Variants in ADK observed in about 807,000 individuals in gnomAD.
The protein encoded by ADK is adenosine kinase, also known as N6,N6-dimethyladenosine kinase.
ADK carries 24 observed loss-of-function variants against 44.7 expected under a neutral mutation model. The ratio of observed to expected loss-of-function variants is 0.54; its 90% confidence interval spans 0.39 to 0.76. The LOEUF is 0.76. Among genes scored for constraint, ADK ranks in the 30% least tolerant of loss-of-function variants. The probability of loss-of-function intolerance (pLI) is 0.00; values close to 1 mark genes in which losing one functional copy is unlikely to be tolerated. For synonymous variants in ADK, 128 were observed against 142.6 expected (o/e 0.90, Z 0.73); for missense variants, 321 against 425.1 (o/e 0.76, Z 2.15).
Position 74,673,206 on chromosome 10 carries a change from C to T in ADK, c.964+2937C>T, listed in dbSNP as rs1855247801. On this transcript the variant is annotated intron_variant, in intron 10 of 10. Transcript: ENST00000539909. ...GAAGAGAATCCAAGAACTGTAGTCC[C>T]TGGTGAGTTTCAACCAAGAGCTTTT... is the stretch of plus-strand genomic sequence containing the variant. 2.0e-5 allele frequency among the ~76,000 whole-genome samples: 3 copies of T among 152,332 alleles called. No individual in the cohort carries two copies. The South Asian group carries it at 6.2e-4, about 32-fold the overall frequency.
At chr10:74,517,213 C>T (rs1320664130) in intron 6 of ADK, among the ~76,000 whole-genome samples, 2 of 152,168 alleles carry the variant, frequency 1.3e-5, no homozygotes, top group Non-Finnish European at 1.5e-5. Context: ...GGATTTCTCA[C>T]ACTTTATGTT....
intron 1 of ADK, among the ~76,000 whole-genome samples, chr10:74,194,471 G>GAA (rs1843053233): frequency 6.6e-6 from 1 of 152,056 alleles, no homozygotes; most frequent in African/African-American, 2.4e-5. Flanking sequence ...GATGAAATAT[G>GAA]GTAAGTTTGA....
intron 4 of ADK, among the ~76,000 whole-genome samples, chr10:74,347,073 C>CTCCA (rs2030274896): frequency 2.3e-5 from 3 of 130,744 alleles, no homozygotes; most frequent in Admixed American, 8.2e-5. Context: ...CACCACTGCA[C>CTCCA]TCCAGCCTGG....
intron 6 of ADK, among the ~76,000 whole-genome samples, chr10:74,415,999 T>C (rs1057361322): frequency 2.7e-5 from 4 of 148,714 alleles, no homozygotes; most frequent in Non-Finnish European, 4.5e-5. Context: ...AATATATATA[T>C]ACATACATTT....
chr10:74,186,054 G>C (rs577865996), intron 1 of ADK, among the ~76,000 whole-genome samples: 11 of 151,806 alleles, frequency 7.2e-5, no homozygotes, highest in African/African-American at 2.7e-4. Flanking sequence ...TCACCATGTC[G>C]GCCAGGCTGC....
chr10:74,381,140 T>A (rs1017378717), intron 4 of ADK, among the ~76,000 whole-genome samples: 24 of 152,364 alleles, frequency 1.6e-4, no homozygotes, highest in African/African-American at 5.8e-4. Flanking sequence ...AAAAATCTGT[T>A]AATATATGTT....
intron 3 of ADK, among the ~76,000 whole-genome samples, chr10:74,302,059 TAAAG>T (rs1840053063): frequency 6.6e-6 from 1 of 150,588 alleles, no homozygotes; most frequent in African/African-American, 2.5e-5. Flanking sequence ...TACCTTTTTT[TAAAG>T]CTTATTTTTG....
chr10:74,445,979 T>C (rs555753138), intron 6 of ADK, among the ~76,000 whole-genome samples: 3 of 152,214 alleles, frequency 2.0e-5, no homozygotes, highest in African/African-American at 7.2e-5. Flanking sequence ...TAATTCAGAA[T>C]TAATTGAAGC....
At chr10:74,417,019 C>G (rs188448605) in intron 6 of ADK, among the ~76,000 whole-genome samples, 1 of 152,038 alleles carries the variant, frequency 6.6e-6, no homozygotes, top group East Asian at 1.9e-4. Flanking sequence ...AAATATTTTA[C>G]TTACTAAAGT....
In ADK at chr10:74,622,697, C is replaced by T. The variant is rs141573727; in HGVS notation, c.877+22204C>T. On this transcript the variant is annotated intron_variant, in intron 9 of 10. Transcript: ENST00000539909. ...TTTCCCAAGGTCTCAGAATTAGAAA[C>T]AAAAGCAGCTAGATTAGAACCCAGC... 3.6e-4 allele frequency among the ~76,000 whole-genome samples: 55 copies of T among 152,212 alleles called. 2 individuals carry two copies. In the East Asian group the frequency reaches 0.011, roughly 29 times the overall value.
intron 10 of ADK, among the ~76,000 whole-genome samples, chr10:74,673,123 C>T (rs2134205702): frequency 6.6e-6 from 1 of 152,252 alleles, no homozygotes; most frequent in East Asian, 1.9e-4. Flanking sequence ...TGTAATCTGA[C>T]AGGGTTCTGG....
chr10:74,705,549 C>T (rs940449872), intron 10 of ADK, among the ~76,000 whole-genome samples: 2 of 152,190 alleles, frequency 1.3e-5, no homozygotes, highest in African/African-American at 4.8e-5. Context: ...CTTCTCATCC[C>T]CTTTTGGATT....
chr10:74,195,506 A>C (rs149780628), intron 1 of ADK, among the ~76,000 whole-genome samples: 2,698 of 152,154 alleles, frequency 0.018, 82 homozygotes, highest in African/African-American at 0.062. Flanking sequence ...TTTTTAAGAC[A>C]GGGTCTTATT....
chr10:74,680,036 C>T (rs903204885), intron 10 of ADK, among the ~76,000 whole-genome samples: 6 of 151,402 alleles, frequency 4.0e-5, no homozygotes, highest in African/African-American at 9.7e-5. Context: ...GAGTACAGGC[C>T]GGGCACGGTG....
chr10:74,171,800 CTCTG>C (rs2132056101), intron 1 of ADK, among the ~76,000 whole-genome samples: 1 of 142,134 alleles, frequency 7.0e-6, no homozygotes, highest in East Asian at 2.0e-4. Context: ...TTCTGTCTCT[CTCTG>C]TCTCTCTGTG....
intron 2 of ADK, among the ~76,000 whole-genome samples, chr10:74,222,443 G>A (rs1844348349): frequency 6.6e-6 from 1 of 151,736 alleles, no homozygotes; most frequent in Admixed American, 6.6e-5. Flanking sequence ...CATTGTGGAA[G>A]TCAGTGTGGC....
chr10:74,286,118 T>G (rs1261140403), intron 3 of ADK, among the ~76,000 whole-genome samples: 1 of 152,086 alleles, frequency 6.6e-6, no homozygotes, highest in Non-Finnish European at 1.5e-5. Context: ...AGGAGCATGA[T>G]CATAGCTTAC....
At chr10:74,626,182 T>C (rs1316289169) in intron 9 of ADK, among the ~76,000 whole-genome samples, 1 of 152,156 alleles carries the variant, frequency 6.6e-6, no homozygotes, top group Non-Finnish European at 1.5e-5. Context: ...GAAGCAGCAG[T>C]TAACATTAAA....
intron 3 of ADK, among the ~76,000 whole-genome samples, chr10:74,256,356 G>A (rs1378292438): frequency 6.6e-6 from 1 of 152,138 alleles, no homozygotes; most frequent in African/African-American, 2.4e-5. Context: ...AGCAGATTTG[G>A]CAAGAACTGA....
Sources: gnomAD v4.1 joint callset for allele counts (sites outside exome capture counted in the v4.1 genomes callset) on GRCh38, gnomAD v4.1.1 for gene constraint, MANE v1.5 for transcripts, NCBI Gene and HGNC (gene_info 2026-07-23, HGNC 2026-07-21) for gene names.